The following GAS2L3 variants were observed in gnomAD, a reference collection of about 807,000 sequenced individuals.
GAS2L3 encodes the protein GAS2-like protein 3.
A neutral mutation model predicts 37.0 loss-of-function variants in GAS2L3; 28 were observed. The ratio of observed to expected loss-of-function variants is 0.76; its 90% CI spans 0.56 to 1.04. GAS2L3 has a LOEUF of 1.04. Ranked by LOEUF, GAS2L3 falls within the 50% of genes least tolerant of loss-of-function variation. The probability of loss-of-function intolerance (pLI) is 0.00; values close to 1 mark genes in which losing one functional copy is unlikely to be tolerated. For missense variants in GAS2L3, 793 were observed against 817.6 expected (o/e 0.97, Z 0.37); for synonymous variants, 290 against 296.6 (o/e 0.98, Z 0.23).
rs767269799 is a variant in GAS2L3 at position 100,623,670 on chromosome 12, G to C, written c.865G>C (p.Glu289Gln). 2.5e-6 allele frequency: 4 copies of C among 1,613,770 alleles called. No homozygotes were observed. Among genetic ancestry groups the C allele is most frequent in the Non-Finnish European group, 8.5e-7 (1 of 1,179,946 alleles). Residue 289 changes from glutamate (E) to glutamine (Q), a missense_variant, in exon 10 of 10, where the codon GAA (glutamate) becomes CAA (glutamine). Transcript: ENST00000547754. ...PCRILQFATL[E>Q]QKILAFQKGV... ...TCGAATATTACAGTTTGCCACATTA[G>C]AACAAAAAATTTTAGCATTTCAAAA...
chr12:100,614,484 C>T (rs991599685), intron 6 of GAS2L3, among the ~76,000 whole-genome samples: 1 of 151,932 alleles, frequency 6.6e-6, no homozygotes, highest in Non-Finnish European at 1.5e-5. Context: ...ACTATCTTAA[C>T]CATGTAACCA....
In GAS2L3 at chr12:100,622,288, C is replaced by G. The variant is rs1249841163; in HGVS notation, c.662C>G (p.Ala221Gly). 2.5e-6 allele frequency: 4 copies of G among 1,587,854 alleles called. No individual in the cohort carries two copies. Among genetic ancestry groups the G allele is most frequent in the African/African-American group, 1.3e-5 (1 of 74,296 alleles). The change falls in exon 9 of 10, where the codon GCT becomes GGT. Residue 221 changes from alanine (A) to glycine (G), a missense_variant. By Grantham distance (60) the Ala-to-Gly change is moderately conservative. Coordinates refer to ENST00000547754, the MANE Select transcript of GAS2L3 (RefSeq NM_174942.3). ...TCGTCATCTTAGGTTAAACATATTG[C>G]TGAGGACCCTCCTTGTAGTTGTTCT... ...EELHEAVKHIAEDPPCSCSHR... is the reference protein window; with the variant it reads ...EELHEAVKHIGEDPPCSCSHR...
At chr12:100,587,912 TGTG>T (rs930667674) in intron 1 of GAS2L3, among the ~76,000 whole-genome samples, 16 of 151,852 alleles carry the variant, frequency 1.1e-4, no homozygotes, top group African/African-American at 3.6e-4. Context: ...ATTAGCCAGG[TGTG>T]GTGGTGGGCA....
At chr12:100,581,043 A>G (rs188961846) in intron 1 of GAS2L3, among the ~76,000 whole-genome samples, 17 of 152,224 alleles carry the variant, frequency 1.1e-4, no homozygotes, top group African/African-American at 4.1e-4. Context: ...TTGCTTTTTA[A>G]ATACTAGGGA....
chr12:100,600,119 C>T (rs1201245951), intron 3 of GAS2L3, among the ~76,000 whole-genome samples: 3 of 152,078 alleles, frequency 2.0e-5, no homozygotes, highest in Non-Finnish European at 2.9e-5. Context: ...CTCAGCTACT[C>T]GGGAGGCTGA....
chr12:100,579,578 G>T, intron 1 of GAS2L3: 2 of 773,270 alleles, frequency 2.6e-6, no homozygotes, highest in South Asian at 1.4e-5. Context: ...AAAGATACCA[G>T]TTGCATGACA....
At chr12:100,590,512 T>A (rs1012083127) in intron 1 of GAS2L3, among the ~76,000 whole-genome samples, 3 of 152,130 alleles carry the variant, frequency 2.0e-5, no homozygotes, top group Admixed American at 1.3e-4. Flanking sequence ...AGTGTGGAGA[T>A]TCCTTAAAGA....
intron 1 of GAS2L3, among the ~76,000 whole-genome samples, chr12:100,585,766 CATCT>C (rs951085237): frequency 6.6e-6 from 1 of 152,146 alleles, no homozygotes; most frequent in Non-Finnish European, 1.5e-5. Context: ...ATGTCAGATC[CATCT>C]CCTTTCCAGT....
chr12:100,582,780 C>G (rs1003598098), intron 1 of GAS2L3, among the ~76,000 whole-genome samples: 7 of 152,174 alleles, frequency 4.6e-5, no homozygotes, highest in African/African-American at 1.7e-4. Context: ...GAAATCAGAA[C>G]TCAGGGTCTT....
rs115953466 is a variant in GAS2L3, at chr12:100,585,945, A to C, written c.-151-5791A>C. Among the ~76,000 whole-genome samples the C allele has an allele frequency of 8.1e-3, 1,237 of 152,170 alleles. 19 individuals are homozygous for C. The highest frequency in any genetic ancestry group is 0.028 in the African/African-American group (1,164 of 41,490). On this transcript the variant is annotated intron_variant, in intron 1 of 9. Coordinates refer to ENST00000547754, the MANE Select transcript of GAS2L3 (RefSeq NM_174942.3). Reference sequence around the variant, plus strand: ...TTTCTCCTTCTCTCAGTGTTTCCCTAGTTCTTTTTCCTACATATTCATCCA... The same window carrying C: ...TTTCTCCTTCTCTCAGTGTTTCCCTCGTTCTTTTTCCTACATATTCATCCA...
chr12:100,575,107 G>A (rs1194436346), intron 1 of GAS2L3, among the ~76,000 whole-genome samples: 1 of 152,034 alleles, frequency 6.6e-6, no homozygotes, highest in Non-Finnish European at 1.5e-5. Flanking sequence ...TGTGAAAGAA[G>A]GTTAATAATA....
chr12:100,608,920 G>A (rs1025499664), intron 5 of GAS2L3, among the ~76,000 whole-genome samples: 1 of 152,092 alleles, frequency 6.6e-6, no homozygotes, highest in Non-Finnish European at 1.5e-5. Context: ...CTTTTTCTGG[G>A]CAGAGAAGCC....
At chr12:100,579,001 C>A (rs1955673606) in intron 1 of GAS2L3, 3 of 854,406 alleles carry the variant, frequency 3.5e-6, no homozygotes, top group East Asian at 2.5e-5. Context: ...TCACTAATGA[C>A]CTCAAAGTCT....
intron 5 of GAS2L3, among the ~76,000 whole-genome samples, chr12:100,607,485 G>A (rs1264822696): frequency 6.6e-6 from 1 of 152,034 alleles, no homozygotes; most frequent in Non-Finnish European, 1.5e-5. Context: ...GAAGTTCTGT[G>A]ATAATACCCC....
chr12:100,586,035 G>T (rs1012595612), intron 1 of GAS2L3, among the ~76,000 whole-genome samples: 1 of 151,830 alleles, frequency 6.6e-6, no homozygotes, highest in South Asian at 2.1e-4. Flanking sequence ...CTCTTCCTCG[G>T]ATTTCCTTTA....
At chr12:100,598,618 A>G (rs531620003) in intron 3 of GAS2L3, among the ~76,000 whole-genome samples, 1 of 152,188 alleles carries the variant, frequency 6.6e-6, no homozygotes, top group East Asian at 1.9e-4. Context: ...CATTCTTGTT[A>G]AAATTTCAGT....
rs1273988779 is a variant in GAS2L3, at chr12:100,626,170, T to G, written c.*1280T>G. ...TCACAGTATTGCCAATTATCTTAGG[T>G]TATTCAGTATTCAGGTTTGTGTTTC... On this transcript the variant is annotated 3_prime_UTR_variant, in exon 10 of 10. Transcript: ENST00000547754. 6.6e-6 allele frequency: 1 copy of G among 152,176 alleles called. No homozygotes were observed. Among genetic ancestry groups the G allele is most frequent in the Non-Finnish European group, 1.5e-5 (1 of 68,028 alleles). 9.4% of individuals were successfully genotyped at this position (152,176 alleles called of 1,614,324 possible). A position where few individuals can be genotyped will look rare whatever the true frequency, so the allele number is the denominator to read the frequency against.
chr12:100,580,157 A>G, intron 1 of GAS2L3: 1 of 772,190 alleles, frequency 1.3e-6, no homozygotes. Flanking sequence ...TCTCACAGTA[A>G]AAGAGGGGGT....
At chr12:100,622,779 A>AAAAAAAAAAAG (rs1956274729) in intron 9 of GAS2L3, among the ~76,000 whole-genome samples, 1 of 125,376 alleles carries the variant, frequency 8.0e-6, no homozygotes, top group Admixed American at 8.2e-5. Context: ...AAAAAAAAAA[A>AAAAAAAAAAAG]AAAGAAAAGA....
Sources: allele counts gnomAD v4.1 joint callset (sites outside exome capture counted in the v4.1 genomes callset), GRCh38; gene constraint gnomAD v4.1.1; transcripts MANE v1.5; gene names NCBI Gene and HGNC (gene_info 2026-07-23, HGNC 2026-07-21).